DZIP3: variants seen among roughly 807,000 people sequenced by gnomAD.
The protein encoded by DZIP3 is E3 ubiquitin-protein ligase DZIP3.
In DZIP3, 118 loss-of-function variants were observed where a neutral mutation model predicts 162.0. The ratio of observed to expected loss-of-function variants is 0.73; its 90% CI spans 0.63 to 0.85. The LOEUF is 0.85. Ranked by LOEUF, DZIP3 falls within the 40% of genes least tolerant of loss-of-function variation. The pLI is 0.00. For synonymous variants in DZIP3, 438 were observed against 458.6 expected (o/e 0.96, Z 0.57); for missense variants, 1,331 against 1,407.0 (o/e 0.95, Z 0.86).
At chr3:108,631,055 A>ACACACACACACACACTCTCTCTCT in intron 8 of DZIP3, among the ~76,000 whole-genome samples, 8 of 18,006 alleles carry the variant, frequency 4.4e-4, no homozygotes, top group Non-Finnish European at 6.3e-4. Context: ...ACACACACAC[A>ACACACACACACACACTCTCTCTCT]CTCTCTCTCT....
intron 1 of DZIP3, among the ~76,000 whole-genome samples, chr3:108,593,849 G>C (rs1939563608): frequency 6.6e-6 from 1 of 151,818 alleles, no homozygotes; most frequent in Non-Finnish European, 1.5e-5. Context: ...ATTTTTTGTA[G>C]AGATGGGGTT....
chr3:108,590,755 C>G (rs999136915), intron 1 of DZIP3, among the ~76,000 whole-genome samples: 1 of 152,202 alleles, frequency 6.6e-6, no homozygotes, highest in Admixed American at 6.5e-5. Flanking sequence ...CTAGCTCCAC[C>G]TTTGACGATG....
At chr3:108,616,941 A>G (rs376107653) in intron 5 of DZIP3, among the ~76,000 whole-genome samples, 5 of 152,192 alleles carry the variant, frequency 3.3e-5, no homozygotes, top group African/African-American at 9.7e-5. Context: ...CTTAAGAGAA[A>G]CTTGAACTAA....
chr3:108,680,405 C>A (rs1238857014), intron 26 of DZIP3, among the ~76,000 whole-genome samples: 1 of 151,966 alleles, frequency 6.6e-6, no homozygotes, highest in Non-Finnish European at 1.5e-5. Context: ...GCAAAGACTC[C>A]ACTTAAAAAC....
At chr3:108,624,987 A>G (rs1941529489) in intron 6 of DZIP3, among the ~76,000 whole-genome samples, 1 of 152,126 alleles carries the variant, frequency 6.6e-6, no homozygotes, top group Non-Finnish European at 1.5e-5. Context: ...GACTTCATAA[A>G]TTAAATATAT....
rs1944424300 is a variant in DZIP3, at chr3:108,684,322, G to A, written c.2990G>A (p.Gly997Asp). The A allele has an allele frequency of 6.2e-7, 1 of 1,612,642 alleles. No homozygotes were observed. ...TGCCCGGGAGTCGTCTCTGCAACTG[G>A]CCAACCTAGAGCCCCCCTGGTAAAA... ...AVCPGVVSAT[G>D]QPRAPLMTGI... The change falls in exon 27 of 33, where the codon GGC becomes GAC. Residue 997 changes from glycine (G) to aspartate (D), a missense_variant. Coordinates refer to ENST00000361582, the MANE Select transcript of DZIP3 (RefSeq NM_014648.4).
At chr3:108,662,293 G>A (rs769320225) in intron 21 of DZIP3, 36 bp downstream of exon 21, 9 of 1,559,248 alleles carry the variant, frequency 5.8e-6, no homozygotes, top group South Asian at 1.2e-5. Context: ...GAAATTCTGC[G>A]CCGTAATAAA....
intron 1 of DZIP3, among the ~76,000 whole-genome samples, chr3:108,594,229 T>A (rs1939584872): frequency 6.6e-6 from 1 of 152,150 alleles, no homozygotes; most frequent in African/African-American, 2.4e-5. Context: ...ACTTTCATTT[T>A]ATTAATTCTC....
intron 32 of DZIP3, among the ~76,000 whole-genome samples, chr3:108,692,796 A>G (rs1451433972): frequency 6.6e-6 from 1 of 151,840 alleles, no homozygotes; most frequent in Non-Finnish European, 1.5e-5. Flanking sequence ...TTACCATTAG[A>G]CCATACCTTT....
chr3:108,602,823 A>G (rs1940104006), intron 1 of DZIP3: 1 of 152,180 alleles, frequency 6.6e-6, no homozygotes, highest in Non-Finnish European at 1.5e-5. Context: ...AGTGTTTGCC[A>G]CACATACCTG....
chr3:108,594,385 A>T (rs906408939), intron 1 of DZIP3, among the ~76,000 whole-genome samples: 2 of 149,102 alleles, frequency 1.3e-5, no homozygotes, highest in African/African-American at 4.9e-5. Flanking sequence ...AAGTCTTAGG[A>T]CATCTCTCTC....
chr3:108,691,127 G>A (rs1944677552), intron 32 of DZIP3: 2 of 350,942 alleles, frequency 5.7e-6, no homozygotes, highest in Non-Finnish European at 1.0e-5. Flanking sequence ...GCTCTTAGTA[G>A]GTTTTTTTCT....
chr3:108,656,678 C>T (rs917658858), intron 19 of DZIP3, among the ~76,000 whole-genome samples: 3 of 151,784 alleles, frequency 2.0e-5, no homozygotes, highest in East Asian at 1.9e-4. Flanking sequence ...AGGCTTCAGA[C>T]GATCAAACTA....
chr3:108,641,069 A>G (rs897387877), intron 12 of DZIP3, among the ~76,000 whole-genome samples: 2 of 150,344 alleles, frequency 1.3e-5, no homozygotes, highest in African/African-American at 4.9e-5. Flanking sequence ...GGTTTGGTTT[A>G]TTAGTTTTAC....
At chr3:108,620,818 T>A (rs565928619) in intron 5 of DZIP3, among the ~76,000 whole-genome samples, 3 of 152,260 alleles carry the variant, frequency 2.0e-5, no homozygotes, top group South Asian at 4.1e-4. Flanking sequence ...GTTTTTGTTT[T>A]GTTTTGTTTT....
intron 19 of DZIP3, among the ~76,000 whole-genome samples, chr3:108,654,799 A>G (rs968388460): frequency 3.9e-5 from 6 of 152,014 alleles, no homozygotes; most frequent in Non-Finnish European, 7.4e-5. Flanking sequence ...TGATGTACCT[A>G]TATGTGAAGA....
intron 31 of DZIP3, 37 bp from the exon 32 acceptor site, chr3:108,690,750 C>A (rs1230477175): frequency 1.3e-6 from 2 of 1,588,128 alleles, no homozygotes. Context: ...TGCTAGGCTA[C>A]ATCTGAGAGA....
rs983672439 is a variant in DZIP3 at position 108,638,303 on chromosome 3, A to G, written c.1064+755A>G. Among the ~76,000 whole-genome samples, 3 of 99,004 alleles carry G rather than the reference A, an allele frequency of 3.0e-5. No homozygotes were observed. The Admixed American group carries it at 3.6e-4, about 12-fold the overall frequency. 65.0% of individuals were successfully genotyped at this position (99,004 alleles called of 152,430 possible). ...GCTTTGTAACTTTTTAAAAAGTCCT[A>G]TCAATTTAGGTTTTTTTGTTTGTTT... On this transcript the variant is annotated intron_variant, in intron 12 of 32. Transcript: ENST00000361582.
chr3:108,606,522 T>A (rs1262942093), intron 2 of DZIP3, among the ~76,000 whole-genome samples: 3 of 152,204 alleles, frequency 2.0e-5, no homozygotes. Context: ...TATTAGAGAT[T>A]CTGTGGCTGT....
Sources: allele counts gnomAD v4.1 joint callset (sites outside exome capture counted in the v4.1 genomes callset), GRCh38; gene constraint gnomAD v4.1.1; transcripts MANE v1.5; gene names NCBI Gene and HGNC (gene_info 2026-07-23, HGNC 2026-07-21).